NPAS3: variants seen among roughly 807,000 people sequenced by gnomAD.
NPAS3 encodes the protein neuronal PAS domain-containing protein 3.
Under a neutral mutation model 73.1 loss-of-function variants are expected in NPAS3, and 14 were observed. The observed-to-expected ratio is 0.19, with a 90% CI of 0.13 to 0.30. The LOEUF (loss-of-function observed/expected upper bound fraction) is 0.30, where lower values mean the gene tolerates loss of function less well. Among genes scored for constraint, NPAS3 ranks in the 10% least tolerant of loss-of-function variants. NPAS3 has a pLI of 1.00. For synonymous variants in NPAS3, 620 were observed against 541.5 expected (o/e 1.14, Z -2.01); for missense variants, 1,096 against 1,250.0 (o/e 0.88, Z 1.86).
chr14:33,688,791 G>C (rs2060156845), intron 6 of NPAS3, among the ~76,000 whole-genome samples: 1 of 152,146 alleles, frequency 6.6e-6, no homozygotes, highest in South Asian at 2.1e-4. Flanking sequence ...CATTTACACA[G>C]GCAGAGCATG....
intron 1 of NPAS3, among the ~76,000 whole-genome samples, chr14:32,996,278 AG>A (rs1023818992): frequency 2.0e-4 from 30 of 152,204 alleles, no homozygotes; most frequent in African/African-American, 6.5e-4. Context: ...CAGTTTTATA[AG>A]GAAAAAAGAG....
chr14:33,746,743 C>CTTT (rs200491168), intron 7 of NPAS3, among the ~76,000 whole-genome samples: 24 of 151,424 alleles, frequency 1.6e-4, no homozygotes, highest in African/African-American at 5.9e-4. Flanking sequence ...ACATATATTT[C>CTTT]TTTTTTTATT....
At chr14:33,593,767 C>G (rs549335588) in intron 5 of NPAS3, among the ~76,000 whole-genome samples, 1 of 152,152 alleles carries the variant, frequency 6.6e-6, no homozygotes, top group Non-Finnish European at 1.5e-5. Context: ...TACTTTTACC[C>G]TTGCTCAGAG....
chr14:32,943,069 GA>G (rs1487263175), intron 1 of NPAS3, among the ~76,000 whole-genome samples: 2 of 151,992 alleles, frequency 1.3e-5, no homozygotes, highest in Non-Finnish European at 2.9e-5. Context: ...TCTGATTTAT[GA>G]ATTGAAAGAC....
At chr14:33,169,752 C>G (rs767448457) in intron 2 of NPAS3, among the ~76,000 whole-genome samples, 53 of 152,154 alleles carry the variant, frequency 3.5e-4, no homozygotes, top group Non-Finnish European at 6.5e-4. Context: ...TTTCAAAATG[C>G]TGTTTTGCTT....
chr14:33,699,169 T>C (rs2060464967), intron 6 of NPAS3, among the ~76,000 whole-genome samples: 1 of 152,224 alleles, frequency 6.6e-6, no homozygotes, highest in African/African-American at 2.4e-5. Flanking sequence ...AACATGTGCA[T>C]GTGTTAACTT....
At chr14:33,186,173 C>G (rs189597032) in intron 2 of NPAS3, among the ~76,000 whole-genome samples, 1 of 152,110 alleles carries the variant, frequency 6.6e-6, no homozygotes, top group African/African-American at 2.4e-5. Context: ...AAAAAGCATC[C>G]TTGATTGAGG....
chr14:33,653,534 G>A (rs947289577), intron 5 of NPAS3, among the ~76,000 whole-genome samples: 2 of 152,204 alleles, frequency 1.3e-5, no homozygotes, highest in Non-Finnish European at 2.9e-5. Flanking sequence ...TACTCACATC[G>A]TTAAAAAATA....
chr14:33,271,449 T>G (rs1952081), intron 3 of NPAS3, among the ~76,000 whole-genome samples: 152,183 of 152,238 alleles, frequency 1, 76,064 homozygotes, highest in Middle Eastern at 1. Context: ...GGCTAGCTGT[T>G]GGGGAGAAGG....
intron 4 of NPAS3, among the ~76,000 whole-genome samples, chr14:33,512,683 T>C (rs1271959268): frequency 6.6e-6 from 1 of 152,074 alleles, no homozygotes; most frequent in East Asian, 1.9e-4. Flanking sequence ...ACTTCTGGTT[T>C]CTTCTGTGGC....
At chr14:33,024,435 G>C (rs1268335893) in intron 1 of NPAS3, among the ~76,000 whole-genome samples, 1 of 152,090 alleles carries the variant, frequency 6.6e-6, no homozygotes, top group African/African-American at 2.4e-5. Flanking sequence ...CTCCCAAAGT[G>C]CTGGGATTAC....
chr14:33,739,811 G>A (rs116994149), intron 7 of NPAS3, among the ~76,000 whole-genome samples: 2,593 of 152,180 alleles, frequency 0.017, 36 homozygotes, highest in Middle Eastern at 0.044. Context: ...AACATATTCC[G>A]TCAGTATCAC....
chr14:33,392,536 C>T (rs989028909), intron 4 of NPAS3, among the ~76,000 whole-genome samples: 19 of 152,102 alleles, frequency 1.2e-4, no homozygotes, highest in Admixed American at 4.6e-4. Context: ...AAAGTACTGA[C>T]GCTCGGAGTT....
intron 9 of NPAS3, among the ~76,000 whole-genome samples, chr14:33,783,669 G>A (rs563817791): frequency 1.3e-5 from 2 of 152,220 alleles, no homozygotes; most frequent in African/African-American, 4.8e-5. Flanking sequence ...AGGCAAGCAC[G>A]GAGTCAGAGA....
intron 5 of NPAS3, among the ~76,000 whole-genome samples, chr14:33,576,807 G>C (rs1314659274): frequency 1.3e-5 from 2 of 152,268 alleles, no homozygotes; most frequent in Non-Finnish European, 2.9e-5. Flanking sequence ...CCAGTCCCGA[G>C]TATCTTTCAC....
intron 5 of NPAS3, among the ~76,000 whole-genome samples, chr14:33,598,755 T>C (rs562427077): frequency 6.6e-6 from 1 of 152,348 alleles, no homozygotes; most frequent in East Asian, 1.9e-4. Flanking sequence ...ACATCAAAAA[T>C]GCTTTCAGGG....
chr14:33,126,796 C>A (rs1482486137), intron 2 of NPAS3, among the ~76,000 whole-genome samples: 1 of 152,104 alleles, frequency 6.6e-6, no homozygotes, highest in African/African-American at 2.4e-5. Context: ...ACTCCACTTA[C>A]CACTCATGTT....
At chr14:33,162,162 A>T (rs2044916066) in intron 2 of NPAS3, among the ~76,000 whole-genome samples, 1 of 152,226 alleles carries the variant, frequency 6.6e-6, no homozygotes, top group South Asian at 2.1e-4. Flanking sequence ...ATCTGTGTTG[A>T]TGTAGTGCAG....
At chr14:33,089,279 A>G (rs1356793268) in intron 2 of NPAS3, among the ~76,000 whole-genome samples, 1 of 152,202 alleles carries the variant, frequency 6.6e-6, no homozygotes, top group Admixed American at 6.5e-5. Flanking sequence ...GCTAACTAGT[A>G]TAACCAGTGT....
Sources: gnomAD v4.1 joint callset for allele counts (sites outside exome capture counted in the v4.1 genomes callset) on GRCh38, gnomAD v4.1.1 for gene constraint, MANE v1.5 for transcripts, NCBI Gene and HGNC (gene_info 2026-07-23, HGNC 2026-07-21) for gene names.